DLGAP2: variants seen among roughly 807,000 people sequenced by gnomAD.
The protein encoded by DLGAP2 is DLG associated protein 2, also known as disks large-associated protein 2.
A neutral mutation model predicts 100.3 loss-of-function variants in DLGAP2; 26 were observed. That is an observed-to-expected ratio of 0.26 (90% CI 0.19 to 0.36). The LOEUF (loss-of-function observed/expected upper bound fraction) is 0.36, where lower values mean the gene tolerates loss of function less well. Among genes scored for constraint, DLGAP2 ranks in the 10% least tolerant of loss-of-function variants. DLGAP2 has a pLI of 1.00. For missense variants in DLGAP2, 1,858 were observed against 1,453.2 expected (o/e 1.28, Z -4.53); for synonymous variants, 886 against 630.1 (o/e 1.41, Z -6.08).
chr8:1,140,680 T>C (rs1268952401), intron 2 of DLGAP2, among the ~76,000 whole-genome samples: 1 of 152,150 alleles, frequency 6.6e-6, no homozygotes, highest in East Asian at 1.9e-4. Flanking sequence ...CTTTTTAAAT[T>C]CCCTGCCTTG....
Position 1,527,111 on chromosome 8 carries a change from G to A in DLGAP2, c.173-21515G>A, listed in dbSNP as rs573082224. On this transcript the variant is annotated intron_variant, in intron 4 of 14. Transcript: ENST00000637795. ...CCACCCGTTACCACAGCTTCACATC[G>A]TCTACACCGCGGGCTCACGTTCACA... Among the ~76,000 whole-genome samples, 13 of 152,148 alleles carry A rather than the reference G, an allele frequency of 8.5e-5. No homozygotes were observed. The East Asian group carries it at 1.4e-3, about 16-fold the overall frequency.
intron 4 of DLGAP2, among the ~76,000 whole-genome samples, chr8:1,510,320 G>T (rs998725463): frequency 6.6e-6 from 1 of 152,210 alleles, no homozygotes; most frequent in Admixed American, 6.5e-5. Context: ...GTGAAGGTCC[G>T]CTGTCGGGAC....
At chr8:1,056,403 C>A (rs1802885169) in intron 2 of DLGAP2, among the ~76,000 whole-genome samples, 1 of 152,294 alleles carries the variant, frequency 6.6e-6, no homozygotes, top group Non-Finnish European at 1.5e-5. Context: ...CCATTTTTCC[C>A]ATCTCTTTTT....
chr8:1,322,524 T>C (rs1038309022), intron 3 of DLGAP2, among the ~76,000 whole-genome samples: 2 of 152,278 alleles, frequency 1.3e-5, no homozygotes, highest in East Asian at 3.9e-4. Context: ...TCTGTGGAAA[T>C]GCATGCACCC....
chr8:1,176,279 A>G (rs11992229), intron 2 of DLGAP2, among the ~76,000 whole-genome samples: 1 of 152,004 alleles, frequency 6.6e-6, no homozygotes, highest in African/African-American at 2.4e-5. Flanking sequence ...CAAGAATAGC[A>G]TGGGGAAAAC....
At chr8:1,380,357 C>T (rs1429382911) in intron 3 of DLGAP2, 1 of 152,084 alleles carries the variant, frequency 6.6e-6, no homozygotes, top group Non-Finnish European at 1.5e-5. Flanking sequence ...CGGAAGCAGC[C>T]GTCTCCAGAA....
intron 3 of DLGAP2, among the ~76,000 whole-genome samples, chr8:1,325,735 A>C (rs932362758): frequency 1.3e-5 from 2 of 152,302 alleles, no homozygotes; most frequent in East Asian, 1.9e-4. Context: ...CCGCTTGCCA[A>C]AGAAAAATGA....
chr8:1,682,927 GT>G (rs1470416490), intron 12 of DLGAP2, among the ~76,000 whole-genome samples: 1 of 151,444 alleles, frequency 6.6e-6, no homozygotes, highest in African/African-American at 2.4e-5. Flanking sequence ...TTTTTGTTTT[GT>G]TTTGTCTTGT....
chr8:781,690 T>G (rs879558226), intron 1 of DLGAP2, among the ~76,000 whole-genome samples: 2 of 152,196 alleles, frequency 1.3e-5, no homozygotes, highest in East Asian at 3.8e-4. Flanking sequence ...AATGACTTGT[T>G]AAAGAACGAA....
At chr8:1,509,913 C>T (rs1047414335) in intron 4 of DLGAP2, among the ~76,000 whole-genome samples, 2 of 152,146 alleles carry the variant, frequency 1.3e-5, no homozygotes, top group Admixed American at 6.5e-5. Flanking sequence ...CAGGAGGTTT[C>T]AGGAGTGCAG....
intron 4 of DLGAP2, among the ~76,000 whole-genome samples, chr8:1,515,665 A>C (rs1454596148): frequency 6.8e-6 from 1 of 147,758 alleles, no homozygotes; most frequent in African/African-American, 2.5e-5. Flanking sequence ...AAATATACAC[A>C]TACACATGTT....
chr8:1,600,048 C>G (rs1416993143), intron 6 of DLGAP2, among the ~76,000 whole-genome samples: 1 of 152,064 alleles, frequency 6.6e-6, no homozygotes, highest in East Asian at 1.9e-4. Context: ...CCTTCAGGAG[C>G]TCTTGTAAGG....
intron 3 of DLGAP2, among the ~76,000 whole-genome samples, chr8:1,305,474 G>T (rs1047913441): frequency 1.3e-5 from 2 of 152,148 alleles, no homozygotes; most frequent in African/African-American, 4.8e-5. Context: ...TGTCTGTAAG[G>T]TCTTTATTCA....
intron 3 of DLGAP2, among the ~76,000 whole-genome samples, chr8:1,291,006 T>C (rs1213987501): frequency 6.6e-6 from 1 of 152,062 alleles, no homozygotes; most frequent in Admixed American, 6.6e-5. Context: ...CTACAAGTAA[T>C]ACTAAAAGGA....
intron 3 of DLGAP2, among the ~76,000 whole-genome samples, chr8:1,494,586 G>A (rs139541618): frequency 0.015 from 2,261 of 152,212 alleles, 19 homozygotes; most frequent in Admixed American, 0.02. Context: ...AAAATTAGCC[G>A]AGCGTGGTGT....
At chr8:997,760 C>T (rs1470822606) in intron 2 of DLGAP2, among the ~76,000 whole-genome samples, 2 of 152,138 alleles carry the variant, frequency 1.3e-5, no homozygotes, top group South Asian at 2.1e-4. Context: ...ACTATTCCTG[C>T]GTTTTCTCGT....
chr8:1,350,980 G>A (rs1801708373), intron 3 of DLGAP2, among the ~76,000 whole-genome samples: 1 of 137,774 alleles, frequency 7.3e-6, no homozygotes, highest in African/African-American at 2.9e-5. Context: ...GGTCCTGAGT[G>A]TGCGTGGAAA....
At chr8:1,231,029 G>A (rs1443500604) in intron 2 of DLGAP2, among the ~76,000 whole-genome samples, 2 of 152,186 alleles carry the variant, frequency 1.3e-5, no homozygotes, top group East Asian at 3.9e-4. Flanking sequence ...AAGTTAAAGA[G>A]CTTCTGCATA....
intron 13 of DLGAP2, among the ~76,000 whole-genome samples, chr8:1,692,659 C>T (rs935528685): frequency 6.6e-6 from 1 of 151,894 alleles, no homozygotes; most frequent in African/African-American, 2.4e-5. Context: ...ATCTAAGGTG[C>T]CTGGAAATAA....
Sources: allele counts gnomAD v4.1 joint callset (sites outside exome capture counted in the v4.1 genomes callset), GRCh38; gene constraint gnomAD v4.1.1; transcripts MANE v1.5; gene names NCBI Gene and HGNC (gene_info 2026-07-23, HGNC 2026-07-21).